Variants in TMEM178A observed in about 807,000 individuals in gnomAD.
TMEM178A encodes the protein transmembrane protein 178.
TMEM178A carries 12 observed loss-of-function variants against 29.1 expected under a neutral mutation model. That is an observed-to-expected ratio of 0.41 (90% CI 0.26 to 0.67). TMEM178A has a LOEUF of 0.67. Ranked by LOEUF, TMEM178A falls within the 30% of genes least tolerant of loss-of-function variation. TMEM178A has a pLI of 0.29. For missense variants in TMEM178A, 366 were observed against 419.1 expected, an observed-to-expected ratio of 0.87 and a Z score of 1.11; for synonymous variants, 210 against 187.2, an observed-to-expected ratio of 1.12 and a Z score of -0.99.
chr2:39,701,437 T>G (rs1671777630), intron 1 of TMEM178A, among the ~76,000 whole-genome samples: 1 of 152,146 alleles, frequency 6.6e-6, no homozygotes, highest in Non-Finnish European at 1.5e-5. Context: ...GTTTTTTTTG[T>G]GTATATGATA....
intron 1 of TMEM178A, among the ~76,000 whole-genome samples, chr2:39,699,835 G>A (rs186666692): frequency 3.8e-4 from 58 of 152,038 alleles, no homozygotes; most frequent in African/African-American, 1.4e-3. Flanking sequence ...ATAAATTTTG[G>A]TATGTTGTAA....
chr2:39,687,893 TG>T (rs1403671299), intron 1 of TMEM178A, among the ~76,000 whole-genome samples: 1 of 152,250 alleles, frequency 6.6e-6, no homozygotes, highest in African/African-American at 2.4e-5. Context: ...GAACTGATTT[TG>T]GAGGCAGATG....
chr2:39,703,432 A>T (rs1671882500), intron 1 of TMEM178A, among the ~76,000 whole-genome samples: 1 of 152,182 alleles, frequency 6.6e-6, no homozygotes, highest in Non-Finnish European at 1.5e-5. Flanking sequence ...CCATATCAAA[A>T]TATTGTGCCT....
rs947917078 is a variant in TMEM178A at position 39,665,939 on chromosome 2, G to C, written c.-36G>C. ...AGTGCATTGTGTCTGGCGGCGGCGC[G>C]CGAGCCCACCGGCGGCTGCGGCGGG... On this transcript the variant is annotated 5_prime_UTR_variant, in exon 1 of 4. Transcript: ENST00000281961. 2 of 1,349,858 alleles carry C rather than the reference G, an allele frequency of 1.5e-6. No individual in the cohort carries two copies. The highest frequency in any genetic ancestry group is 1.9e-6 in the Non-Finnish European group (2 of 1,055,100). The allele number at this position is 1,349,858 out of a possible 1,614,324, so 83.6% of individuals were successfully genotyped here. A position where few individuals can be genotyped will look rare whatever the true frequency, so the allele number is the denominator to read the frequency against.
Position 39,665,930 on chromosome 2 carries a change from C to CT in TMEM178A, c.-45_-44insT. 2 of 1,341,410 alleles carry CT rather than the reference C, an allele frequency of 1.5e-6. No individual in the cohort carries two copies. The highest frequency in any genetic ancestry group is 3.9e-5 in the South Asian group (2 of 50,892). The allele number at this position is 1,341,410 out of a possible 1,614,324, so 83.1% of individuals were successfully genotyped here. ...CTGGGGCCAAGTGCATTGTGTCTGG[C>CT]GGCGGCGCGCGAGCCCACCGGCGGC... On this transcript the variant is annotated 5_prime_UTR_variant, in exon 1 of 4. Coordinates refer to ENST00000281961, the MANE Select transcript of TMEM178A (RefSeq NM_152390.3).
chr2:39,674,133 A>G (rs1670516424), intron 1 of TMEM178A, among the ~76,000 whole-genome samples: 1 of 152,250 alleles, frequency 6.6e-6, no homozygotes, highest in Non-Finnish European at 1.5e-5. Context: ...GGAAAAACAG[A>G]TAGGCTGAAC....
At chr2:39,684,703 A>T (rs1572661031) in intron 1 of TMEM178A, among the ~76,000 whole-genome samples, 3 of 151,674 alleles carry the variant, frequency 2.0e-5, no homozygotes, top group Non-Finnish European at 4.4e-5. Flanking sequence ...TGGGGGAGGG[A>T]GCTCTTCTCC....
At chr2:39,706,188 C>G (rs915260142) in intron 2 of TMEM178A, among the ~76,000 whole-genome samples, 1 of 152,080 alleles carries the variant, frequency 6.6e-6, no homozygotes, top group African/African-American at 2.4e-5. Flanking sequence ...GGGGAAAGAG[C>G]TGGATTTCTG....
In TMEM178A at chr2:39,696,335, A is replaced by G. The variant is rs576688505; in HGVS notation, c.401-7746A>G. ...GCACTTGGGTTAATCTGTGATGACC[A>G]TTTAAGGTGCAGACTCCTGGTGTGT... On this transcript the variant is annotated intron_variant, in intron 1 of 3. Coordinates refer to ENST00000281961, the MANE Select transcript of TMEM178A (RefSeq NM_152390.3). 5.9e-5 allele frequency among the ~76,000 whole-genome samples: 9 copies of G among 152,314 alleles called. No homozygotes were observed. The South Asian group carries it at 1.0e-3, about 18-fold the overall frequency.
chr2:39,672,326 A>G (rs904678518), intron 1 of TMEM178A, among the ~76,000 whole-genome samples: 8 of 152,292 alleles, frequency 5.3e-5, no homozygotes, highest in East Asian at 3.9e-4. Context: ...TTCATTCACT[A>G]TGTTTCATGG....
At chr2:39,677,088 A>G (rs1670661548) in intron 1 of TMEM178A, among the ~76,000 whole-genome samples, 1 of 152,188 alleles carries the variant, frequency 6.6e-6, no homozygotes, top group Non-Finnish European at 1.5e-5. Context: ...TATGAATTTA[A>G]TACACATTGG....
the TMEM178A span, among the ~76,000 whole-genome samples, chr2:39,723,342 A>G: frequency 0.41 from 62,826 of 152,000 alleles, 14,111 homozygotes; most frequent in East Asian, 0.76. Context: ...AAATTGTTGA[A>G]GTTTTCTCAT....
At chr2:39,670,466 T>A (rs988818305) in intron 1 of TMEM178A, among the ~76,000 whole-genome samples, 2 of 152,218 alleles carry the variant, frequency 1.3e-5, no homozygotes, top group Non-Finnish European at 2.9e-5. Flanking sequence ...TAACTACTCT[T>A]AGTAGGTCAT....
intron 1 of TMEM178A, among the ~76,000 whole-genome samples, chr2:39,672,749 C>G (rs980531486): frequency 6.6e-6 from 1 of 152,168 alleles, no homozygotes; most frequent in Admixed American, 6.5e-5. Flanking sequence ...GTTTCCCAAG[C>G]TGTTCTCAAA....
the TMEM178A span, among the ~76,000 whole-genome samples, chr2:39,735,823 C>T: frequency 3.9e-5 from 6 of 152,350 alleles, no homozygotes; most frequent in East Asian, 7.7e-4. Flanking sequence ...TGGTGAAGAT[C>T]GCTTTGTGTT....
chr2:39,733,072 T>A, the TMEM178A span, among the ~76,000 whole-genome samples: 154 of 152,300 alleles, frequency 1.0e-3, 1 homozygote, highest in East Asian at 0.016. Flanking sequence ...TATTCTGCAA[T>A]TGCTGAGGGT....
At chr2:39,666,945 G>A (rs1670191912) in intron 1 of TMEM178A, among the ~76,000 whole-genome samples, 1 of 152,246 alleles carries the variant, frequency 6.6e-6, no homozygotes, top group South Asian at 2.1e-4. Context: ...GGGCTGATGG[G>A]CAGCGAAGGA....
chr2:39,672,723 G>C (rs1670457950), intron 1 of TMEM178A, among the ~76,000 whole-genome samples: 1 of 152,078 alleles, frequency 6.6e-6, no homozygotes, highest in Non-Finnish European at 1.5e-5. Context: ...ACTTTGTAGA[G>C]ATGGGGTCTT....
chr2:39,724,900 CTG>C, the TMEM178A span, among the ~76,000 whole-genome samples: 3 of 152,320 alleles, frequency 2.0e-5, no homozygotes, highest in South Asian at 6.2e-4. Context: ...TTACAGGACT[CTG>C]TGGTGACGAT....
Sources: gnomAD v4.1 joint callset for allele counts (sites outside exome capture counted in the v4.1 genomes callset) on GRCh38, gnomAD v4.1.1 for gene constraint, MANE v1.5 for transcripts, NCBI Gene and HGNC (gene_info 2026-07-23, HGNC 2026-07-21) for gene names.